Variants in MFSD6 observed in about 807,000 individuals in gnomAD.
MFSD6 encodes major facilitator superfamily domain-containing protein 6.
In MFSD6, 26 loss-of-function variants were observed where a neutral mutation model predicts 56.3. That is an observed-to-expected ratio of 0.46 (90% CI 0.34 to 0.64). The LOEUF (loss-of-function observed/expected upper bound fraction) is 0.64, where lower values mean the gene tolerates loss of function less well. Ranked by LOEUF, MFSD6 falls within the 30% of genes least tolerant of loss-of-function variation. The probability of loss-of-function intolerance (pLI) is 0.01; values close to 1 mark genes in which losing one functional copy is unlikely to be tolerated. For synonymous variants in MFSD6, 331 were observed against 366.9 expected (o/e 0.90, Z 1.12); for missense variants, 750 against 986.2 (o/e 0.76, Z 3.21).
chr2:190,483,882 CATAATTATTTTTAATGATT>C (rs1424540128), intron 4 of MFSD6, among the ~76,000 whole-genome samples: 1 of 149,760 alleles, frequency 6.7e-6, no homozygotes, highest in African/African-American at 2.5e-5. Context: ...TAATGTTACT[CATAATTATTTTTAATGATT>C]CTAGGTTATT....
At chr2:190,445,609 T>C (rs1005634337) in intron 3 of MFSD6, among the ~76,000 whole-genome samples, 3 of 152,168 alleles carry the variant, frequency 2.0e-5, no homozygotes, top group East Asian at 1.9e-4. Context: ...GGATGGCATA[T>C]AACTACTACC....
rs752166281 is a variant in MFSD6 at position 190,488,836 on chromosome 2, CTTT to C, written c.1792+24_1792+26del. 2.0e-6 allele frequency: 3 copies of C among 1,514,054 alleles called. No homozygotes were observed. The highest frequency in any genetic ancestry group is 1.8e-6 in the Non-Finnish European group (2 of 1,130,726). The allele number at this position is 1,514,054 out of a possible 1,614,324, so 93.8% of individuals were successfully genotyped here. On this transcript the variant is annotated intron_variant, in intron 5 of 7. Coordinates refer to ENST00000392328, the MANE Select transcript of MFSD6 (RefSeq NM_017694.4). The surrounding 1 kb of genome is among the most constrained non-coding windows in gnomAD (Gnocchi z 6.4). Reference sequence around the variant, plus strand: ...TTATTTTGGTAAGAATGGCTTTCTCCTTTTTTTTCTTTTCTATTATTAAAACAT... The same window carrying C: ...TTATTTTGGTAAGAATGGCTTTCTCCTTTTTCTTTTCTATTATTAAAACAT...
rs1188594987 is a variant in MFSD6, at chr2:190,447,532, G to A, written c.1532+9971G>A. Among the ~76,000 whole-genome samples, 3 of 152,144 alleles carry A rather than the reference G, an allele frequency of 2.0e-5. No individual in the cohort carries two copies. Among genetic ancestry groups the A allele is most frequent in the African/African-American group, 7.2e-5 (3 of 41,416 alleles). On this transcript the variant is annotated intron_variant, in intron 3 of 7. Coordinates refer to ENST00000392328, the MANE Select transcript of MFSD6 (RefSeq NM_017694.4). This position sits in a 1 kb window ranked among gnomAD's most constrained non-coding sequence, Gnocchi z 4.5. Reference sequence around the variant, plus strand: ...CATATGAAAAAATGACCTACCTAGTGATATAAAGAAGCCACATTAAAAAAT... The same window carrying A: ...CATATGAAAAAATGACCTACCTAGTAATATAAAGAAGCCACATTAAAAAAT...
chr2:190,463,333 T>C lies in MFSD6; in HGVS notation c.1533-6425T>C, dbSNP rs1451696548. Reference sequence around the variant, plus strand: ...GAGAACATCATCTTATTCAGGTCAATAGTGTGAATCAGTGATTATGTAGAA... The same window carrying C: ...GAGAACATCATCTTATTCAGGTCAACAGTGTGAATCAGTGATTATGTAGAA... On this transcript the variant is annotated intron_variant, in intron 3 of 7. Coordinates refer to ENST00000392328, the MANE Select transcript of MFSD6 (RefSeq NM_017694.4). The surrounding 1 kb of genome is among the most constrained non-coding windows in gnomAD (Gnocchi z 4.4). Among the ~76,000 whole-genome samples the C allele has an allele frequency of 6.6e-6, 1 of 152,212 alleles. No homozygotes were observed. The highest frequency in any genetic ancestry group is 1.5e-5 in the Non-Finnish European group (1 of 68,038).
intron 4 of MFSD6, among the ~76,000 whole-genome samples, chr2:190,483,358 C>T (rs1052642464): frequency 6.6e-6 from 1 of 152,182 alleles, no homozygotes; most frequent in Non-Finnish European, 1.5e-5. Context: ...ACCTTGGGTT[C>T]AAATCCTATT....
At position 190,436,578 on chromosome 2, in the gene MFSD6, T is replaced by C. The variant is rs985452333; in HGVS notation, c.549T>C (p.Ser183=). The change falls in exon 3 of 8, where the codon TCT becomes TCC. Residue 183 remains serine (S), a synonymous_variant. Coordinates refer to ENST00000392328, the MANE Select transcript of MFSD6 (RefSeq NM_017694.4). This position sits in a 1 kb window ranked among gnomAD's most constrained non-coding sequence, Gnocchi z 5.3. ...SHQLTILPTN[S]SFTSFLTISP... ...AGTTAACTATCCTGCCAACAAATTC[T>C]TCCTTTACCTCTTTCCTCACCATAT... is the stretch of plus-strand genomic sequence containing the variant. 2 of 1,614,238 alleles carry C rather than the reference T, an allele frequency of 1.2e-6. No individual in the cohort carries two copies. Among genetic ancestry groups the C allele is most frequent in the African/African-American group, 2.7e-5 (2 of 75,064 alleles).
rs571208113 is a variant in MFSD6, at chr2:190,426,287, A to G, written c.-53-9690A>G. Among the ~76,000 whole-genome samples, 39 of 152,208 alleles carry G rather than the reference A, an allele frequency of 2.6e-4. No homozygotes were observed. The highest frequency in any genetic ancestry group is 7.2e-4 in the Admixed American group (11 of 15,292). The stretch of plus-strand genomic sequence containing the variant: ...GTAATTCCTATTGTTCTGTATCCCA[A>G]TTCACTCATTAATCCCTCTGTCCCC... On this transcript the variant is annotated intron_variant, in intron 2 of 7. Coordinates refer to ENST00000392328, the MANE Select transcript of MFSD6 (RefSeq NM_017694.4). This position sits in a 1 kb window ranked among gnomAD's most constrained non-coding sequence, Gnocchi z 4.7.
At chr2:190,441,308 C>T (rs1370175735) in intron 3 of MFSD6, among the ~76,000 whole-genome samples, 1 of 152,010 alleles carries the variant, frequency 6.6e-6, no homozygotes, top group Non-Finnish European at 1.5e-5. Context: ...GCTTTTAAAG[C>T]TCCTAATGCC....
chr2:190,468,962 C>G (rs942315003), intron 3 of MFSD6, among the ~76,000 whole-genome samples: 2 of 152,266 alleles, frequency 1.3e-5, no homozygotes, highest in Non-Finnish European at 1.5e-5. Context: ...AGTAGCCACT[C>G]TTTGCTTCCA....
Position 190,491,778 on chromosome 2 carries a change from T to C in MFSD6, c.1891+1912T>C, listed in dbSNP as rs1689372085. 6.6e-6 allele frequency among the ~76,000 whole-genome samples: 1 copy of C among 152,112 alleles called. No homozygotes were observed. The highest frequency in any genetic ancestry group is 1.5e-5 in the Non-Finnish European group (1 of 68,022). On this transcript the variant is annotated intron_variant, in intron 6 of 7. Transcript: ENST00000392328. This position sits in a 1 kb window ranked among gnomAD's most constrained non-coding sequence, Gnocchi z 4.2. Reference sequence around the variant, plus strand: ...TTAACCTGCCCCAACAAAATCACACTAGCACCAGCAATAGATCCAAACCAA... The same window carrying C: ...TTAACCTGCCCCAACAAAATCACACCAGCACCAGCAATAGATCCAAACCAA...
rs2125124067 is a variant in MFSD6, at chr2:190,463,620, T to C, written c.1533-6138T>C. ...AGGATTGCTTGAGCCCAGGAGTTCATGACCAGCCTGGGCAACATAGTGAGA... is the reference window on the plus strand; with the variant it reads ...AGGATTGCTTGAGCCCAGGAGTTCACGACCAGCCTGGGCAACATAGTGAGA... On this transcript the variant is annotated intron_variant, in intron 3 of 7. Transcript: ENST00000392328. The surrounding 1 kb of genome is among the most constrained non-coding windows in gnomAD (Gnocchi z 4.4). Among the ~76,000 whole-genome samples, 1 of 152,230 alleles carries C rather than the reference T, an allele frequency of 6.6e-6. No homozygotes were observed. The highest frequency in any genetic ancestry group is 2.4e-5 in the African/African-American group (1 of 41,554).
chr2:190,477,476 G>A (rs1688405573), intron 4 of MFSD6: 1 of 563,286 alleles, frequency 1.8e-6, no homozygotes, highest in Non-Finnish European at 2.2e-6. Flanking sequence ...GGAAAAGGAC[G>A]GTTTCCATAA....
rs749477549 is a variant in MFSD6 at position 190,488,697 on chromosome 2, C to T, written c.1671C>T (p.Tyr557=). The part of the protein sequence containing the change: ...HAAIWAACIS[Y]LSAAVPPELR... ...CCATCTGGGCAGCATGCATTTCTTA[C>T]CTCAGTGCAGCCGTTCCCCCTGAGC... The change falls in exon 5 of 8, where the codon TAC becomes TAT. Residue 557 remains tyrosine (Y), a synonymous_variant. Transcript: ENST00000392328. The surrounding 1 kb of genome is among the most constrained non-coding windows in gnomAD (Gnocchi z 6.4). 2.4e-5 allele frequency: 38 copies of T among 1,600,664 alleles called. No individual in the cohort carries two copies. Among genetic ancestry groups the T allele is most frequent in the Non-Finnish European group, 3.2e-5 (37 of 1,173,984 alleles).
rs1046490339 is a variant in MFSD6, at chr2:190,447,091, A to AG, written c.1532+9530_1532+9531insG. ...CTCTCTCTGATTCATAGGCTCAGTA[A>AG]AAAAAAAAACTTGAAAGGATGTCTT... On this transcript the variant is annotated intron_variant, in intron 3 of 7. Coordinates refer to ENST00000392328, the MANE Select transcript of MFSD6 (RefSeq NM_017694.4). This position sits in a 1 kb window ranked among gnomAD's most constrained non-coding sequence, Gnocchi z 4.5. Among the ~76,000 whole-genome samples the AG allele has an allele frequency of 7.1e-6, 1 of 140,668 alleles. No homozygotes were observed. The highest frequency in any genetic ancestry group is 1.7e-5 in the Non-Finnish European group (1 of 60,600). 92.3% of individuals were successfully genotyped at this position (140,668 alleles called of 152,430 possible).
chr2:190,463,106 A>C lies in MFSD6; in HGVS notation c.1533-6652A>C, dbSNP rs890234907. Among the ~76,000 whole-genome samples, 1 of 152,212 alleles carries C rather than the reference A, an allele frequency of 6.6e-6. No homozygotes were observed. The highest frequency in any genetic ancestry group is 2.4e-5 in the African/African-American group (1 of 41,448). On this transcript the variant is annotated intron_variant, in intron 3 of 7. Transcript: ENST00000392328. This position sits in a 1 kb window ranked among gnomAD's most constrained non-coding sequence, Gnocchi z 4.4. ...TTCCAGACAGTTACAGCAAAACCCT[A>C]TTCTGCTAGTGAGGGACACAGAAAT...
chr2:190,488,505 C>A lies in MFSD6; in HGVS notation c.1631-152C>A. 1.5e-6 allele frequency: 1 copy of A among 684,970 alleles called. No individual in the cohort carries two copies. The highest frequency in any genetic ancestry group is 2.2e-6 in the Non-Finnish European group (1 of 457,458). The allele number at this position is 684,970 out of a possible 1,614,324, so 42.4% of individuals were successfully genotyped here. A position where few individuals can be genotyped will look rare whatever the true frequency, so the allele number is the denominator to read the frequency against. On this transcript the variant is annotated intron_variant, in intron 4 of 7. Coordinates refer to ENST00000392328, the MANE Select transcript of MFSD6 (RefSeq NM_017694.4). The surrounding 1 kb of genome is among the most constrained non-coding windows in gnomAD (Gnocchi z 6.4). ...GTGTACTCAGTGCCACTGAACCGTA[C>A]ATTTAAAAATGTGAAAATGGTAAAT...
chr2:190,463,957 G>A lies in MFSD6; in HGVS notation c.1533-5801G>A, dbSNP rs1271447693. ...GAGGCAGACTGTAGACTGTGCTCCAGGGATCTGGTGTCAACAACCAGCTCT... is the reference window on the plus strand; with the variant it reads ...GAGGCAGACTGTAGACTGTGCTCCAAGGATCTGGTGTCAACAACCAGCTCT... On this transcript the variant is annotated intron_variant, in intron 3 of 7. Transcript: ENST00000392328. The surrounding 1 kb of genome is among the most constrained non-coding windows in gnomAD (Gnocchi z 4.4). The A allele has an allele frequency of 1.1e-6, 1 of 902,478 alleles. No homozygotes were observed. The highest frequency in any genetic ancestry group is 1.8e-5 in the African/African-American group (1 of 55,554). The allele number at this position is 902,478 out of a possible 1,614,324, so 55.9% of individuals were successfully genotyped here.
chr2:190,472,778 T>G (rs1411820008), intron 4 of MFSD6, among the ~76,000 whole-genome samples: 2 of 151,974 alleles, frequency 1.3e-5, no homozygotes, highest in Admixed American at 1.3e-4. Flanking sequence ...CCAAGACACA[T>G]AATTGTCAGA....
rs7564528 is a variant in MFSD6 at position 190,431,506 on chromosome 2, T to C, written c.-53-4471T>C. ...TCACTCGCGATTAGGAGCTGGAGAC[T>C]AGCCCGGCCAACACAGCGAAACCCC... is the stretch of plus-strand genomic sequence containing the variant. On this transcript the variant is annotated intron_variant, in intron 2 of 7. Transcript: ENST00000392328. This position sits in a 1 kb window ranked among gnomAD's most constrained non-coding sequence, Gnocchi z 4.4. Among the ~76,000 whole-genome samples, 135,608 of 152,294 alleles carry C rather than the reference T, an allele frequency of 0.89. 60,736 individuals carry two copies. The highest frequency in any genetic ancestry group is 1 in the East Asian group (5,159 of 5,174).
Sources: allele counts gnomAD v4.1 joint callset (sites outside exome capture counted in the v4.1 genomes callset), GRCh38; gene constraint gnomAD v4.1.1; non-coding constraint Gnocchi (gnomAD v3.1); transcripts MANE v1.5; gene names NCBI Gene and HGNC (gene_info 2026-07-23, HGNC 2026-07-21).